The following HTR1F variants were observed in gnomAD, a reference collection of about 807,000 sequenced individuals.
The protein encoded by HTR1F is 5-hydroxytryptamine (serotonin) receptor 1F, G protein-coupled.
A neutral mutation model predicts 24.0 loss-of-function variants in HTR1F; 17 were observed. The ratio of observed to expected loss-of-function variants is 0.71; its 90% CI spans 0.48 to 1.06. The LOEUF is 1.06. HTR1F is among the 50% of genes least tolerant of loss of function. The pLI is 0.00. For missense variants in HTR1F, 391 were observed against 427.8 expected, an observed-to-expected ratio of 0.91 and a Z score of 0.76; for synonymous variants, 186 against 156.8, an observed-to-expected ratio of 1.19 and a Z score of -1.39.
At chr3:87,928,398 C>T (rs1704180003) in intron 2 of HTR1F, among the ~76,000 whole-genome samples, 1 of 152,100 alleles carries the variant, frequency 6.6e-6, no homozygotes, top group Non-Finnish European at 1.5e-5. Context: ...GTGAATTGAA[C>T]ATTTTATTTG....
chr3:87,912,010 C>T (rs1222538867), intron 2 of HTR1F, among the ~76,000 whole-genome samples: 1 of 151,912 alleles, frequency 6.6e-6, no homozygotes. Context: ...ATCAGCATGA[C>T]AAGAATGTCC....
chr3:87,827,726 C>A (rs1439243581), intron 2 of HTR1F, among the ~76,000 whole-genome samples: 2 of 152,188 alleles, frequency 1.3e-5, no homozygotes, highest in African/African-American at 2.4e-5. Context: ...TTCGTAAGTT[C>A]TTTTATATTG....
chr3:87,927,650 G>A (rs1250870175), intron 2 of HTR1F, among the ~76,000 whole-genome samples: 1 of 151,982 alleles, frequency 6.6e-6, no homozygotes, highest in Non-Finnish European at 1.5e-5. Context: ...AATTTATTCT[G>A]GCATATCTTT....
At chr3:87,890,992 C>T (rs1416577834) in intron 2 of HTR1F, among the ~76,000 whole-genome samples, 1 of 151,958 alleles carries the variant, frequency 6.6e-6, no homozygotes, top group Admixed American at 6.6e-5. Flanking sequence ...CAGGCACCTG[C>T]CACCATGCCC....
chr3:87,897,304 A>T (rs1173980960), intron 2 of HTR1F, among the ~76,000 whole-genome samples: 1 of 150,996 alleles, frequency 6.6e-6, no homozygotes, highest in Non-Finnish European at 1.5e-5. Flanking sequence ...ACATGGATAG[A>T]CATAAAAAAC....
chr3:87,868,167 C>A (rs1705469403), intron 2 of HTR1F, among the ~76,000 whole-genome samples: 1 of 152,022 alleles, frequency 6.6e-6, no homozygotes. Context: ...GATTTTGTTG[C>A]CATGGTGGCT....
At chr3:87,944,688 T>C (rs1195158097) in intron 2 of HTR1F, among the ~76,000 whole-genome samples, 1 of 152,260 alleles carries the variant, frequency 6.6e-6, no homozygotes, top group Non-Finnish European at 1.5e-5. Context: ...GTAAGCTATC[T>C]TTGTGCTTTT....
chr3:87,906,633 A>G (rs1472691530), intron 2 of HTR1F, among the ~76,000 whole-genome samples: 1 of 151,796 alleles, frequency 6.6e-6, no homozygotes, highest in Non-Finnish European at 1.5e-5. Flanking sequence ...ATTTTGGTGC[A>G]CCCATCAACC....
At chr3:87,943,564 T>A (rs1284990912) in intron 2 of HTR1F, among the ~76,000 whole-genome samples, 1 of 151,196 alleles carries the variant, frequency 6.6e-6, no homozygotes, top group African/African-American at 2.4e-5. Flanking sequence ...AGGGGGGTCC[T>A]TATTAGTTGG....
chr3:87,797,833 T>A (rs538464354), intron 1 of HTR1F, among the ~76,000 whole-genome samples: 4 of 152,078 alleles, frequency 2.6e-5, no homozygotes, highest in Non-Finnish European at 5.9e-5. Flanking sequence ...AGTAGACCAA[T>A]GAGGATAAAC....
At chr3:87,895,480 A>G (rs900988067) in intron 2 of HTR1F, among the ~76,000 whole-genome samples, 4 of 151,930 alleles carry the variant, frequency 2.6e-5, no homozygotes, top group Non-Finnish European at 5.9e-5. Context: ...TGGGATACCA[A>G]CTCTCTGTTG....
At chr3:87,830,389 G>A (rs1238247025) in intron 2 of HTR1F, among the ~76,000 whole-genome samples, 2 of 152,148 alleles carry the variant, frequency 1.3e-5, no homozygotes, top group African/African-American at 2.4e-5. Flanking sequence ...TGAAGTAAAT[G>A]AAGTAGTGGT....
At chr3:87,876,295 G>T (rs570297776) in intron 2 of HTR1F, among the ~76,000 whole-genome samples, 1 of 152,188 alleles carries the variant, frequency 6.6e-6, no homozygotes. Flanking sequence ...TTGAAGAGCT[G>T]TTCCCACACC....
chr3:87,936,680 T>C (rs560566231), intron 2 of HTR1F, among the ~76,000 whole-genome samples: 2 of 152,220 alleles, frequency 1.3e-5, no homozygotes, highest in South Asian at 2.1e-4. Context: ...CAATCTATAA[T>C]TTAGTTGATT....
intron 2 of HTR1F, among the ~76,000 whole-genome samples, chr3:87,828,300 C>T (rs574932514): frequency 6.6e-6 from 1 of 152,068 alleles, no homozygotes; most frequent in Non-Finnish European, 1.5e-5. Flanking sequence ...CATTCACGTT[C>T]GATTAGTTAA....
At chr3:87,889,579 G>T (rs762575834) in intron 2 of HTR1F, among the ~76,000 whole-genome samples, 2 of 152,094 alleles carry the variant, frequency 1.3e-5, no homozygotes, top group Non-Finnish European at 2.9e-5. Flanking sequence ...TTGCATATCT[G>T]GGTTTGAGAT....
rs139939652 is a variant in HTR1F, at chr3:87,812,005, C to T, written c.-159-10003C>T. 1.1e-4 allele frequency among the ~76,000 whole-genome samples: 16 copies of T among 152,282 alleles called. No individual in the cohort carries two copies. In the East Asian group the frequency reaches 2.7e-3, roughly 26 times the overall value. ...CCTGCCACCATGTAAGAAATGCTTG[C>T]TTCCCCTTCTGCCATGATTGTGCGT... is the stretch of plus-strand genomic sequence containing the variant. On this transcript the variant is annotated intron_variant, in intron 1 of 2. Transcript: ENST00000319595.
At chr3:87,805,926 T>C (rs1305591249) in intron 1 of HTR1F, among the ~76,000 whole-genome samples, 3 of 151,824 alleles carry the variant, frequency 2.0e-5, no homozygotes, top group African/African-American at 7.3e-5. Flanking sequence ...AACCAAACAC[T>C]TTTTTTTGCC....
At chr3:87,983,763 C>A (rs1160711902) in intron 2 of HTR1F, among the ~76,000 whole-genome samples, 2 of 152,168 alleles carry the variant, frequency 1.3e-5, no homozygotes, top group Admixed American at 6.5e-5. Flanking sequence ...AAATTTCAAG[C>A]ACTAATGGAA....
Sources: gnomAD v4.1 joint callset for allele counts (sites outside exome capture counted in the v4.1 genomes callset) on GRCh38, gnomAD v4.1.1 for gene constraint, MANE v1.5 for transcripts, NCBI Gene and HGNC (gene_info 2026-07-23, HGNC 2026-07-21) for gene names.